The following PCK2 variants were observed in gnomAD, a reference collection of about 807,000 sequenced individuals.
PCK2 encodes the protein phosphoenolpyruvate carboxykinase 2, mitochondrial.
A neutral mutation model predicts 65.9 loss-of-function variants in PCK2; 56 were observed. The ratio of observed to expected loss-of-function variants is 0.85; its 90% confidence interval spans 0.69 to 1.06. The LOEUF (loss-of-function observed/expected upper bound fraction) is 1.06. PCK2 is among the 50% of genes least tolerant of loss of function. The pLI is 0.00. For synonymous variants in PCK2, 305 were observed against 319.6 expected, an observed-to-expected ratio of 0.95 and a Z score of 0.49; for missense variants, 843 against 863.1, an observed-to-expected ratio of 0.98 and a Z score of 0.29.
In PCK2 at chr14:24,098,217, C is replaced by G. The variant is rs768522658; in HGVS notation, c.290C>G (p.Thr97Arg). 1 of 1,610,310 alleles carries G rather than the reference C, an allele frequency of 6.2e-7. No homozygotes were observed. The highest frequency in any genetic ancestry group is 2.2e-5 in the East Asian group (1 of 44,814). ...PKYNNCWLARTDPKDVARVES... is the reference protein window; with the variant it reads ...PKYNNCWLARRDPKDVARVES... ...CTCTCCCCCAGCTGGCTGGCCCGCA[C>G]AGACCCCAAGGATGTGGCACGAGTA... Residue 97 changes from threonine (T) to arginine (R), a missense_variant, in exon 3 of 10, where the codon ACA (threonine) becomes AGA (arginine). Thr to Arg is a moderately conservative substitution (Grantham distance 71). Transcript: ENST00000216780.
chr14:24,102,681 T>G, intron 7 of PCK2, 72 bp from the exon 8 acceptor site: 1 of 1,279,964 alleles, frequency 7.8e-7, no homozygotes, highest in Non-Finnish European at 1.1e-6. Flanking sequence ...TGCAAGAATG[T>G]GTGCCCATGT....
chr14:24,099,668 G>C lies in PCK2; in HGVS notation c.963G>C (p.Trp321Cys), dbSNP rs775226773. 1 of 1,613,828 alleles carries C rather than the reference G, an allele frequency of 6.2e-7. No individual in the cohort carries two copies. The highest frequency in any genetic ancestry group is 1.1e-5 in the South Asian group (1 of 91,072). ...TGATGCGGCCTGCACTGCCAGGCTGGAAAGTGGAGTGTGTGGGGGATGATA... is the reference window on the plus strand; with the variant it reads ...TGATGCGGCCTGCACTGCCAGGCTGCAAAGTGGAGTGTGTGGGGGATGATA... The part of the protein sequence containing the change: ...LAMMRPALPG[W>C]KVECVGDDIA... The change falls in exon 6 of 10, where the codon TGG becomes TGC. Residue 321 changes from tryptophan to cysteine, a missense_variant. Coordinates refer to ENST00000216780, the MANE Select transcript of PCK2 (RefSeq NM_004563.4).
At chr14:24,096,749 A>C in intron 1 of PCK2, 143 bp from the exon 2 acceptor site, 1 of 725,290 alleles carries the variant, frequency 1.4e-6, no homozygotes, top group Non-Finnish European at 2.4e-6. Context: ...CACATCCCAC[A>C]CACCAACTGC....
chr14:24,099,051 G>GAGCC lies in PCK2; in HGVS notation c.670_673dup (p.Val225AlafsTer53), dbSNP rs1468405816. The GAGCC allele has an allele frequency of 6.3e-6, 10 of 1,598,760 alleles. No individual in the cohort carries two copies. The highest frequency in any genetic ancestry group is 6.8e-6 in the Non-Finnish European group (8 of 1,168,742). On this transcript the variant is annotated frameshift_variant, in exon 5 of 10. Coordinates refer to ENST00000216780, the MANE Select transcript of PCK2 (RefSeq NM_004563.4). LOFTEE classifies it high-confidence loss of function. ...CCCCATGACCCCATTGTCCCCAGGG[G>GAGCC]AGCCAGTGAGCCAGTGGCCGTGCAA... is the stretch of plus-strand genomic sequence containing the variant.
At chr14:24,097,422 A>T (rs1229946081) in intron 2 of PCK2, among the ~76,000 whole-genome samples, 2 of 150,934 alleles carry the variant, frequency 1.3e-5, no homozygotes, top group East Asian at 3.9e-4. Flanking sequence ...AAATTAGCCC[A>T]GCATGGCAGC....
At chr14:24,097,159 C>G (rs776921563) in intron 2 of PCK2, 22 bp downstream of exon 2, 16 of 1,610,458 alleles carry the variant, frequency 9.9e-6, no homozygotes, top group Non-Finnish European at 1.4e-5. Context: ...GCTCCACAAC[C>G]TGCAGGATAG....
Position 24,094,322 on chromosome 14 carries a change from C to G in PCK2, c.-84C>G. The G allele has an allele frequency of 5.8e-6, 8 of 1,376,080 alleles. No homozygotes were observed. The highest frequency in any genetic ancestry group is 7.0e-6 in the Non-Finnish European group (7 of 1,006,094). 85.2% of individuals were successfully genotyped at this position (1,376,080 alleles called of 1,614,324 possible). A position where few individuals can be genotyped will look rare whatever the true frequency, so the allele number is the denominator to read the frequency against. ...CGCCAGCCTCTGCTGTGGCTCGCTT[C>G]GCCGCGCTCCCTCCTTCCCCGCCTT... On this transcript the variant is annotated 5_prime_UTR_variant, in exon 1 of 10. Coordinates refer to ENST00000216780, the MANE Select transcript of PCK2 (RefSeq NM_004563.4). The surrounding 1 kb of genome is among the most constrained non-coding windows in gnomAD (Gnocchi z 4.1).
At chr14:24,102,609 T>C (rs557357563) in intron 7 of PCK2, 144 bp from the exon 8 acceptor site, 9 of 672,364 alleles carry the variant, frequency 1.3e-5, no homozygotes, top group Non-Finnish European at 2.0e-5. Context: ...GGCTCCCCTC[T>C]CTCTGCTCCT....
chr14:24,103,333 CT>C (rs1226399250), intron 9 of PCK2, 78 bp downstream of exon 9: 58 of 1,270,720 alleles, frequency 4.6e-5, no homozygotes, highest in Non-Finnish European at 6.5e-5. Context: ...CCAGACCTTC[CT>C]TTTGTCCACC....
At chr14:24,102,362 G>T (rs1442943314) in intron 7 of PCK2, among the ~76,000 whole-genome samples, 1 of 152,182 alleles carries the variant, frequency 6.6e-6, no homozygotes, top group Non-Finnish European at 1.5e-5. Context: ...TTAGGTTTGG[G>T]TATTCATTTA....
rs2036786852 is a variant in PCK2 at position 24,094,817 on chromosome 14, C to T, written c.29+383C>T. On this transcript the variant is annotated intron_variant, in intron 1 of 9. Transcript: ENST00000216780. The surrounding 1 kb of genome is among the most constrained non-coding windows in gnomAD (Gnocchi z 4.1). ...TCTCAGCCAGCGCCCCAGGGTACTTCGAGAGGCAGCAGGGCCCTGGGGACA... is the reference window on the plus strand; with the variant it reads ...TCTCAGCCAGCGCCCCAGGGTACTTTGAGAGGCAGCAGGGCCCTGGGGACA... 2.3e-6 allele frequency: 3 copies of T among 1,332,428 alleles called. No individual in the cohort carries two copies. The highest frequency in any genetic ancestry group is 1.5e-5 in the African/African-American group (1 of 67,488). The allele number at this position is 1,332,428 out of a possible 1,614,324, so 82.5% of individuals were successfully genotyped here.
chr14:24,098,798 G>C, intron 4 of PCK2, 120 bp downstream of exon 4: 1 of 864,266 alleles, frequency 1.2e-6, no homozygotes, highest in South Asian at 1.5e-5. Flanking sequence ...TAATTCCCAA[G>C]ATCCAGAGCA....
Position 24,097,161 on chromosome 14 carries a change from G to T in PCK2, c.275+24G>T, listed in dbSNP as rs1221554666. On this transcript the variant is annotated intron_variant, in intron 2 of 9. Transcript: ENST00000216780. ...TGGTAAGCCTTGGGCTCCACAACCT[G>T]CAGGATAGGTGCACTGAGGCCACTT... 1.9e-6 allele frequency: 3 copies of T among 1,610,312 alleles called. 1 individual carries two copies. The South Asian group carries it at 3.3e-5, about 18-fold the overall frequency.
chr14:24,100,613 T>C, intron 7 of PCK2: 1 of 1,048,836 alleles, frequency 9.5e-7, no homozygotes, highest in East Asian at 7.5e-5. Context: ...CTTTTGAACA[T>C]TCTTACAGAA....
intron 7 of PCK2, 189 bp from the exon 8 acceptor site, chr14:24,102,564 C>G (rs1273671827): frequency 3.3e-6 from 2 of 602,096 alleles, no homozygotes; most frequent in Non-Finnish European, 5.9e-6. Context: ...GCCGCACCTT[C>G]ATGGCTAAAC....
chr14:24,099,382 GGCT>G, intron 5 of PCK2, 146 bp downstream of exon 5: 1 of 1,008,022 alleles, frequency 9.9e-7, no homozygotes, highest in Non-Finnish European at 1.4e-6. Context: ...TTTGGCCTCA[GGCT>G]GCTGAATGTT....
Position 24,104,043 on chromosome 14 carries a change from A to G in PCK2, c.*79A>G. 1.1e-6 allele frequency: 1 copy of G among 946,626 alleles called. No individual in the cohort carries two copies. The highest frequency in any genetic ancestry group is 1.7e-6 in the Non-Finnish European group (1 of 599,086). The allele number at this position is 946,626 out of a possible 1,614,324, so 58.6% of individuals were successfully genotyped here. A position where few individuals can be genotyped will look rare whatever the true frequency, so the allele number is the denominator to read the frequency against. ...AGGCACCTTGCAGAAAATATGAGCA[A>G]TTTGATATTAACTAACATCTTCAAT... is the stretch of plus-strand genomic sequence containing the variant. On this transcript the variant is annotated 3_prime_UTR_variant, in exon 10 of 10. Coordinates refer to ENST00000216780, the MANE Select transcript of PCK2 (RefSeq NM_004563.4).
Position 24,097,020 on chromosome 14 carries a change from G to T in PCK2, c.158G>T (p.Arg53Leu). The T allele has an allele frequency of 1.2e-6, 2 of 1,612,396 alleles. No individual in the cohort carries two copies. The highest frequency in any genetic ancestry group is 1.7e-6 in the Non-Finnish European group (2 of 1,179,524). Residue 53 changes from arginine (R) to leucine (L), a missense_variant, in exon 2 of 10, where the codon CGC becomes CTC. By Grantham distance (102) the Arg-to-Leu change is moderately radical. Transcript: ENST00000216780. ...CGAGATTTTGTAGAGCACAGTGCCC[G>T]CCTGTGCCAACCAGAGGGCATCCAC... ...GIRDFVEHSARLCQPEGIHIC... is the reference protein window; with the variant it reads ...GIRDFVEHSALLCQPEGIHIC...
Position 24,103,864 on chromosome 14 carries a change from G to C in PCK2, c.1823G>C (p.Arg608Pro). 6.2e-7 allele frequency: 1 copy of C among 1,614,142 alleles called. No homozygotes were observed. Among genetic ancestry groups the C allele is most frequent in the Non-Finnish European group, 8.5e-7 (1 of 1,180,026 alleles). The change falls in exon 10 of 10, where the codon CGT becomes CCT. Residue 608 changes from arginine to proline, a missense_variant. Transcript: ENST00000216780. Reference sequence around the variant, plus strand: ...AAGGACTTCTGGGAACAGGAGGTTCGTGACATTCGGAGCTACCTGACAGAG... The same window carrying C: ...AAGGACTTCTGGGAACAGGAGGTTCCTGACATTCGGAGCTACCTGACAGAG... ...LPKDFWEQEV[R>P]DIRSYLTEQV...
Sources: gnomAD v4.1 joint callset for allele counts (sites outside exome capture counted in the v4.1 genomes callset) on GRCh38, gnomAD v4.1.1 for gene constraint, Gnocchi (gnomAD v3.1) non-coding constraint, MANE v1.5 for transcripts, NCBI Gene and HGNC (gene_info 2026-07-23, HGNC 2026-07-21) for gene names.